SCAF8: variants seen among roughly 807,000 people sequenced by gnomAD.
SCAF8 encodes SR-related CTD associated factor 8, also known as SR-related and CTD-associated factor 8.
In SCAF8, 23 loss-of-function variants were observed where a neutral mutation model predicts 140.5. The observed-to-expected ratio is 0.16, with a 90% confidence interval of 0.12 to 0.23. The LOEUF (loss-of-function observed/expected upper bound fraction) is 0.23, where lower values mean the gene tolerates loss of function less well. SCAF8 is among the 10% of genes least tolerant of loss of function. The probability of loss-of-function intolerance (pLI) is 1.00; values close to 1 mark genes in which losing one functional copy is unlikely to be tolerated. For missense variants in SCAF8, 1,397 were observed against 1,555.7 expected (o/e 0.90, Z 1.72); for synonymous variants, 575 against 528.9 (o/e 1.09, Z -1.20).
At chr6:154,802,870 A>G (rs1051616382) in intron 7 of SCAF8, among the ~76,000 whole-genome samples, 2 of 152,210 alleles carry the variant, frequency 1.3e-5, no homozygotes, top group African/African-American at 4.8e-5. Flanking sequence ...ACTAGTCACT[A>G]TACTGTAACT....
intron 1 of SCAF8, among the ~76,000 whole-genome samples, chr6:154,752,625 G>A (rs1201888058): frequency 6.6e-6 from 1 of 152,158 alleles, no homozygotes; most frequent in Non-Finnish European, 1.5e-5. Flanking sequence ...ACTATGAGTT[G>A]TAAAGAATGT....
chr6:154,766,302 AAAT>A (rs954913957), intron 1 of SCAF8, among the ~76,000 whole-genome samples: 13 of 152,260 alleles, frequency 8.5e-5, no homozygotes, highest in South Asian at 4.1e-4. Flanking sequence ...AACTTTACAG[AAAT>A]AATAATTTCT....
In SCAF8 at chr6:154,735,726, C is replaced by A. The variant is rs141594798; in HGVS notation, c.30+1796C>A. Among the ~76,000 whole-genome samples the A allele has an allele frequency of 6.8e-3, 1,031 of 152,114 alleles. 15 individuals carry two copies. The highest frequency in any genetic ancestry group is 0.024 in the African/African-American group (987 of 41,458). ...ATGGGGTTTCACCATGTTGGCCAGGCTGTTCTCAAACTCCTGACCTCAAGT... is the reference window on the plus strand; with the variant it reads ...ATGGGGTTTCACCATGTTGGCCAGGATGTTCTCAAACTCCTGACCTCAAGT... On this transcript the variant is annotated intron_variant, in intron 1 of 19. Transcript: ENST00000367178.
intron 1 of SCAF8, among the ~76,000 whole-genome samples, chr6:154,747,604 C>T (rs1778732946): frequency 6.6e-6 from 1 of 152,082 alleles, no homozygotes; most frequent in Admixed American, 6.6e-5. Flanking sequence ...TTGCTGGGCT[C>T]AGCAGTAAAC....
Position 154,733,482 on chromosome 6 carries a change from C to A in SCAF8, c.-419C>A. ...TGTCTTCGCCGAGCGGGGCTGGTTCCTGCGGCCCGAGCGGCGGGGAGGTGA... is the reference window on the plus strand; with the variant it reads ...TGTCTTCGCCGAGCGGGGCTGGTTCATGCGGCCCGAGCGGCGGGGAGGTGA... On this transcript the variant is annotated 5_prime_UTR_variant, in exon 1 of 20. The change creates a new upstream start codon in the 5' untranslated region. Transcript: ENST00000367178. The A allele has an allele frequency of 7.4e-7, 1 of 1,345,318 alleles. No homozygotes were observed. The highest frequency in any genetic ancestry group is 9.5e-7 in the Non-Finnish European group (1 of 1,051,956). The allele number at this position is 1,345,318 out of a possible 1,614,324, so 83.3% of individuals were successfully genotyped here. A position where few individuals can be genotyped will look rare whatever the true frequency, so the allele number is the denominator to read the frequency against.
chr6:154,832,418 C>G lies in SCAF8; in HGVS notation c.2839C>G (p.Pro947Ala). 1.2e-6 allele frequency: 2 copies of G among 1,614,136 alleles called. No homozygotes were observed. Among genetic ancestry groups the G allele is most frequent in the South Asian group, 1.1e-5 (1 of 91,084 alleles). Residue 947 changes from proline to alanine, a missense_variant, in exon 20 of 20, where the codon CCA becomes GCA. Physicochemically the swap from Pro to Ala is conservative, Grantham distance 27. Around this residue, in one of 5 missense-constraint regions of SCAF8, gnomAD observed 930 missense variants for 874.6 expected, o/e 1.06. Transcript: ENST00000367178. Reference sequence around the variant, plus strand: ...ATTCCCTTTAATACAGCCTGGAATTCCACCCCAACGGGGAATCCCACCCCC... The same window carrying G: ...ATTCCCTTTAATACAGCCTGGAATTGCACCCCAACGGGGAATCCCACCCCC... ...PRFPLIQPGI[P>A]PQRGIPPPSV...
chr6:154,741,401 T>C (rs1778564154), intron 1 of SCAF8, among the ~76,000 whole-genome samples: 1 of 152,084 alleles, frequency 6.6e-6, no homozygotes, highest in Admixed American at 6.5e-5. Context: ...TCATATTCTA[T>C]GATCATTTGC....
At chr6:154,770,559 G>C (rs1300503417) in intron 1 of SCAF8, among the ~76,000 whole-genome samples, 3 of 151,806 alleles carry the variant, frequency 2.0e-5, no homozygotes, top group Admixed American at 6.6e-5. Context: ...GGGTGACAAA[G>C]CAAGACCCTG....
chr6:154,831,105 A>G lies in SCAF8; in HGVS notation c.2324A>G (p.Asp775Gly). Residue 775 changes from aspartate (D) to glycine (G), a missense_variant, in exon 19 of 20, where the codon GAC (aspartate) becomes GGC (glycine). Asp to Gly is a moderately conservative substitution (Grantham distance 94). This residue lies in a region of SCAF8 where 930 missense variants were observed against 874.6 expected (regional missense o/e 1.06). Transcript: ENST00000367178. ...GAAGAAAAAGTACCTCATCTTATAG[A>G]CCACCAGATTTCTTCTGGTGAAAAC... ...EPEEKVPHLIDHQISSGENTR... is the reference protein window; with the variant it reads ...EPEEKVPHLIGHQISSGENTR... 1.2e-6 allele frequency: 2 copies of G among 1,612,694 alleles called. No homozygotes were observed. The highest frequency in any genetic ancestry group is 1.7e-6 in the Non-Finnish European group (2 of 1,178,896).
intron 2 of SCAF8, among the ~76,000 whole-genome samples, chr6:154,774,325 G>T (rs957930023): frequency 6.6e-6 from 1 of 152,034 alleles, no homozygotes; most frequent in Non-Finnish European, 1.5e-5. Context: ...GCAGTGCCAC[G>T]ATCATAGCTC....
chr6:154,751,693 T>A (rs766502478), intron 1 of SCAF8, among the ~76,000 whole-genome samples: 3 of 152,218 alleles, frequency 2.0e-5, no homozygotes, highest in Non-Finnish European at 4.4e-5. Flanking sequence ...TACTGCTGTT[T>A]TCATTATTTT....
chr6:154,742,227 TGCTCAATAG>T (rs1778588727), intron 1 of SCAF8, among the ~76,000 whole-genome samples: 1 of 152,212 alleles, frequency 6.6e-6, no homozygotes, highest in Non-Finnish European at 1.5e-5. Flanking sequence ...AAAAGTTTTA[TGCTCAATAG>T]TGAGCATAAA....
intron 1 of SCAF8, among the ~76,000 whole-genome samples, chr6:154,763,841 G>C (rs1278304945): frequency 2.0e-5 from 3 of 152,120 alleles, no homozygotes; most frequent in Non-Finnish European, 2.9e-5. Context: ...AACACACTGT[G>C]CTGATTCATA....
rs544733953 is a variant in SCAF8, at chr6:154,736,801, C to T, written c.30+2871C>T. Reference sequence around the variant, plus strand: ...GTCCCATTTTAGTGTATGTAGCACTCTCCCATTTCCCCATATGGATTTCAA... The same window carrying T: ...GTCCCATTTTAGTGTATGTAGCACTTTCCCATTTCCCCATATGGATTTCAA... On this transcript the variant is annotated intron_variant, in intron 1 of 19. Transcript: ENST00000367178. 6.6e-5 allele frequency among the ~76,000 whole-genome samples: 10 copies of T among 152,292 alleles called. No individual in the cohort carries two copies. The South Asian group carries it at 1.7e-3, about 25-fold the overall frequency.
At chr6:154,778,380 T>G (rs1188160580) in intron 3 of SCAF8, among the ~76,000 whole-genome samples, 2 of 152,358 alleles carry the variant, frequency 1.3e-5, no homozygotes, top group African/African-American at 4.8e-5. Context: ...GTCATTCAAC[T>G]GGCTAGGTAA....
chr6:154,826,925 C>T (rs1483956572), intron 17 of SCAF8, among the ~76,000 whole-genome samples: 5 of 151,992 alleles, frequency 3.3e-5, no homozygotes, highest in African/African-American at 7.2e-5. Flanking sequence ...GAGCATGCTA[C>T]GGGACTTGAA....
chr6:154,810,570 G>A (rs900312204), intron 12 of SCAF8, among the ~76,000 whole-genome samples: 2 of 152,140 alleles, frequency 1.3e-5, no homozygotes, highest in Admixed American at 1.3e-4. Flanking sequence ...ATTATTAAAG[G>A]AAGCATATAC....
At position 154,827,251 on chromosome 6, in the gene SCAF8, T is replaced by TAAA; in HGVS notation, c.2140+12_2140+13insAAA. 6.3e-7 allele frequency: 1 copy of TAAA among 1,583,966 alleles called. No homozygotes were observed. Among genetic ancestry groups the TAAA allele is most frequent in the Non-Finnish European group, 8.6e-7 (1 of 1,162,546 alleles). On this transcript the variant is annotated intron_variant, in intron 18 of 19. Coordinates refer to ENST00000367178, the MANE Select transcript of SCAF8 (RefSeq NM_014892.5). ...CAGTAGTACCAACATGTAAGTTTTCTACTTTTAGAGTTTTCTTTATTCATG... is the reference window on the plus strand; with the variant it reads ...CAGTAGTACCAACATGTAAGTTTTCTAAAACTTTTAGAGTTTTCTTTATTCATG...
rs984182418 is a variant in SCAF8 at position 154,797,689 on chromosome 6, C to T, written c.606+2550C>T. The stretch of plus-strand genomic sequence containing the variant: ...GATTACAGGTGTGAACCACCGTGCC[C>T]AGCCTATCAATGATCTTGTATGTTT... On this transcript the variant is annotated intron_variant, in intron 6 of 19. Coordinates refer to ENST00000367178, the MANE Select transcript of SCAF8 (RefSeq NM_014892.5). Among the ~76,000 whole-genome samples, 14 of 151,308 alleles carry T rather than the reference C, an allele frequency of 9.3e-5. 1 individual carries two copies. The highest frequency in any genetic ancestry group is 1.9e-4 in the Non-Finnish European group (13 of 67,738).
Sources: allele counts gnomAD v4.1 joint callset (sites outside exome capture counted in the v4.1 genomes callset), GRCh38; gene constraint gnomAD v4.1.1; regional missense constraint gnomAD v4.1.1; transcripts MANE v1.5; gene names NCBI Gene and HGNC (gene_info 2026-07-23, HGNC 2026-07-21).